UPF3B: variants seen among roughly 807,000 people sequenced by gnomAD.
UPF3B encodes UPF3B regulator of nonsense mediated mRNA decay, also known as regulator of nonsense transcripts 3B.
UPF3B carries 7 observed loss-of-function variants against 40.3 expected under a neutral mutation model. The observed-to-expected ratio is 0.17, with a 90% CI of 0.10 to 0.33. UPF3B has a LOEUF of 0.33. UPF3B is among the 10% of genes least tolerant of loss of function. The pLI is 1.00. For synonymous variants in UPF3B, 117 were observed against 117.3 expected, an observed-to-expected ratio of 1.00 and a Z score of 0.01; for missense variants, 229 against 358.9, an observed-to-expected ratio of 0.64 and a Z score of 2.93.
intron 3 of UPF3B, among the ~76,000 whole-genome samples, chrX:119,823,389 C>T (rs866997195): frequency 3.6e-5 from 4 of 110,227 alleles, no homozygotes; most frequent in Non-Finnish European, 3.8e-5. Context: ...ATCGCAGGCC[C>T]GTGCTACCAC....
At position 119,852,824 on chromosome X, in the gene UPF3B, C is replaced by T. The variant is rs143487370; in HGVS notation, c.105G>A (p.Lys35=). Residue 35 remains lysine (K), a synonymous_variant, in exon 1 of 11, where the codon AAG becomes AAA. Coordinates refer to ENST00000276201, the MANE Select transcript of UPF3B (RefSeq NM_080632.3). ...SGGGTSGDSS[K]GEDKQDRNKE... ...TGTTGCGATCCTGCTTATCTTCCCC[C>T]TTGGAGCTGTCCCCCGAGGTCCCAC... 82 of 1,211,435 alleles carry T rather than the reference C, an allele frequency of 6.8e-5. No homozygotes were observed. Among genetic ancestry groups the T allele is most frequent in the Non-Finnish European group, 8.9e-5 (80 of 895,544 alleles).
At chrX:119,850,026 G>T (rs181660838) in intron 3 of UPF3B, among the ~76,000 whole-genome samples, 1,908 of 104,083 alleles carry the variant, frequency 0.018, 53 homozygotes, top group African/African-American at 0.067. Context: ...ATGGTGGCTC[G>T]CACCTGTAAT....
rs191386850 is a variant in UPF3B at position 119,842,661 on chromosome X, A to C, written c.580+530T>G. Among the ~76,000 whole-genome samples, 1,054 of 109,724 alleles carry C rather than the reference A, an allele frequency of 9.6e-3. 24 individuals are homozygous for C. Among genetic ancestry groups the C allele is most frequent in the African/African-American group, 0.029 (888 of 30,115 alleles). ...AGAGCGAGCGAGCAAGCAAGCAAAA[A>C]AAACAAACAAACAAACAAAAAAACC... On this transcript the variant is annotated intron_variant, in intron 5 of 10. Transcript: ENST00000276201.
intron 3 of UPF3B, among the ~76,000 whole-genome samples, chrX:119,847,499 C>A (rs1205266465): frequency 9.0e-6 from 1 of 111,160 alleles, no homozygotes; most frequent in African/African-American, 3.3e-5. Flanking sequence ...GGCACAGTGG[C>A]TCACACCTGT....
At chrX:119,850,931 G>A (rs1480497072) in intron 3 of UPF3B, among the ~76,000 whole-genome samples, 1 of 111,491 alleles carries the variant, frequency 9.0e-6, no homozygotes, top group African/African-American at 3.3e-5. Flanking sequence ...TAGTAGAGAT[G>A]GGGTTTCACC....
At chrX:119,815,990 C>T (rs2055862126) in intron 4 of UPF3B, among the ~76,000 whole-genome samples, 1 of 111,417 alleles carries the variant, frequency 9.0e-6, no homozygotes, top group African/African-American at 3.3e-5. Context: ...CCACGTAGGC[C>T]AGGTTCATCT....
chrX:119,815,348 C>T, intron 4 of UPF3B: 3 of 654,555 alleles, frequency 4.6e-6, no homozygotes, highest in Non-Finnish European at 3.7e-6. Flanking sequence ...AACAATGCTG[C>T]TAAGCTTTTA....
At chrX:119,846,252 T>C (rs2056229804) in intron 3 of UPF3B, among the ~76,000 whole-genome samples, 2 of 111,084 alleles carry the variant, frequency 1.8e-5, no homozygotes, top group African/African-American at 6.5e-5. Context: ...GAGAATCACT[T>C]GAACCCAGGA....
rs1226768639 is a variant in UPF3B at position 119,823,328 on chromosome X, C to T, written c.393-285G>A. Among the ~76,000 whole-genome samples the T allele has an allele frequency of 4.5e-5, 5 of 111,166 alleles. 1 individual carries two copies. The highest frequency in any genetic ancestry group is 9.8e-5 in the African/African-American group (3 of 30,626). On this transcript the variant is annotated intron_variant, in intron 3 of 6. Transcript: ENST00000636792. ...CAGTGCAAGTGGCATGATCCAGCTTCGACATTCCAGACTGAAGGAATCCTA... is the reference window on the plus strand; with the variant it reads ...CAGTGCAAGTGGCATGATCCAGCTTTGACATTCCAGACTGAAGGAATCCTA...
chrX:119,816,098 A>G (rs1399502430), intron 4 of UPF3B, among the ~76,000 whole-genome samples: 1 of 111,773 alleles, frequency 8.9e-6, no homozygotes, highest in Non-Finnish European at 1.9e-5. Flanking sequence ...TATTAAGGAC[A>G]TGAAATTATG....
Position 119,834,090 on chromosome X carries a change from T to G in UPF3B, c.*788A>C. On this transcript the variant is annotated 3_prime_UTR_variant, in exon 11 of 11. Transcript: ENST00000276201. ...ACAAGCTGAGACTAAAAGTTGCTAT[T>G]TAACAGGAATAGACACTGGTGCAGT... The G allele has an allele frequency of 1.3e-6, 1 of 754,645 alleles. No individual in the cohort carries two copies. Among genetic ancestry groups the G allele is most frequent in the South Asian group, 6.7e-5 (1 of 14,876 alleles). The allele number at this position is 754,645 out of a possible 1,213,427, so 62.2% of individuals were successfully genotyped here. A position where few individuals can be genotyped will look rare whatever the true frequency, so the allele number is the denominator to read the frequency against.
intron 7 of UPF3B, 133 bp downstream of exon 7, chrX:119,840,943 G>C (rs2056153993): frequency 1.4e-6 from 1 of 704,483 alleles, no homozygotes; most frequent in African/African-American, 2.2e-5. Flanking sequence ...ATTTTTATTG[G>C]ATCACTTCCC....
At chrX:119,820,251 C>G (rs1294424911) in intron 4 of UPF3B, among the ~76,000 whole-genome samples, 1 of 111,690 alleles carries the variant, frequency 9.0e-6, no homozygotes, top group Non-Finnish European at 1.9e-5. Context: ...TGAAGTGATT[C>G]TCCTGTCTGA....
intron 4 of UPF3B, among the ~76,000 whole-genome samples, chrX:119,816,135 C>A (rs113605639): frequency 0.049 from 5,436 of 111,249 alleles, 122 homozygotes; most frequent in East Asian, 0.15. Flanking sequence ...TCCTCACCCC[C>A]CTTGCCTGCA....
intron 4 of UPF3B, among the ~76,000 whole-genome samples, chrX:119,818,318 T>C (rs2428992): frequency 0.054 from 5,934 of 109,497 alleles, 341 homozygotes; most frequent in African/African-American, 0.18. Context: ...AAGCATCGGC[T>C]GGGTGTGGTG....
chrX:119,830,614 A>C (rs1487972463), downstream of UPF3B, among the ~76,000 whole-genome samples: 1 of 110,924 alleles, frequency 9.0e-6, no homozygotes. Flanking sequence ...AGAATGGCCT[A>C]ACATAGTAGT....
intron 3 of UPF3B, among the ~76,000 whole-genome samples, chrX:119,848,092 C>T (rs1344586226): frequency 9.2e-6 from 1 of 108,609 alleles, no homozygotes; most frequent in Non-Finnish European, 1.9e-5. Flanking sequence ...CTAGCCTGGC[C>T]AACACAGTGA....
At chrX:119,822,088 A>G (rs1287574955) in intron 4 of UPF3B, among the ~76,000 whole-genome samples, 1 of 112,385 alleles carries the variant, frequency 8.9e-6, no homozygotes, top group Non-Finnish European at 1.9e-5. Context: ...CGAGATGTTT[A>G]AAAATATTCT....
chrX:119,820,440 C>A (rs1315128109), intron 4 of UPF3B, among the ~76,000 whole-genome samples: 1 of 95,811 alleles, frequency 1.0e-5, no homozygotes. Context: ...CATGTGCCAC[C>A]AAGCCCGGCC....
Sources: gnomAD v4.1 joint callset for allele counts (sites outside exome capture counted in the v4.1 genomes callset) on GRCh38, gnomAD v4.1.1 for gene constraint, MANE v1.5 for transcripts, NCBI Gene and HGNC (gene_info 2026-07-23, HGNC 2026-07-21) for gene names.